The following PAPLN variants were observed in gnomAD, a reference collection of about 807,000 sequenced individuals.
The protein encoded by PAPLN is papilin.
Under a neutral mutation model 159.0 loss-of-function variants are expected in PAPLN, and 146 were observed. The ratio of observed to expected loss-of-function variants is 0.92; its 90% CI spans 0.80 to 1.05. The LOEUF (loss-of-function observed/expected upper bound fraction) is 1.05. Ranked by LOEUF, PAPLN falls within the 50% of genes least tolerant of loss-of-function variation. The pLI, the probability that PAPLN is intolerant of heterozygous loss-of-function variation, is 0.00. For missense variants in PAPLN, 1,720 were observed against 1,743.9 expected (o/e 0.99, Z 0.24); for synonymous variants, 734 against 702.9 (o/e 1.04, Z -0.70).
intron 1 of PAPLN, among the ~76,000 whole-genome samples, chr14:73,238,144 C>A (rs1048854074): frequency 6.6e-6 from 1 of 152,198 alleles, no homozygotes; most frequent in Non-Finnish European, 1.5e-5. Context: ...CGGGGACGGG[C>A]GTCTGCGGAC....
At chr14:73,252,536 TA>T (rs1184913836) in intron 10 of PAPLN, 112 bp from the exon 11 acceptor site, 10 of 1,397,174 alleles carry the variant, frequency 7.2e-6, no homozygotes, top group Non-Finnish European at 9.5e-6. Flanking sequence ...GGGGGTCATC[TA>T]AGACTGAATG....
At position 73,272,751 on chromosome 14, in the gene PAPLN, C is replaced by A; in HGVS notation, c.*87C>A. ...TGGACTCTTGGCTTCCTCTCTCTGGCTGGCAAAGGGAGTTATCTTCTGGAA... is the reference window on the plus strand; with the variant it reads ...TGGACTCTTGGCTTCCTCTCTCTGGATGGCAAAGGGAGTTATCTTCTGGAA... On this transcript the variant is annotated 3_prime_UTR_variant, in exon 27 of 27. Coordinates refer to ENST00000644200, the MANE Select transcript of PAPLN (RefSeq NM_001365906.3). 7.4e-7 allele frequency: 1 copy of A among 1,353,270 alleles called. No homozygotes were observed. The highest frequency in any genetic ancestry group is 1.9e-5 in the South Asian group (1 of 52,314). The allele number at this position is 1,353,270 out of a possible 1,614,324, so 83.8% of individuals were successfully genotyped here.
rs981836285 is a variant in PAPLN at position 73,244,683 on chromosome 14, T to C, written c.94T>C (p.Trp32Arg). The C allele has an allele frequency of 6.3e-7, 1 of 1,596,168 alleles. No homozygotes were observed. Among genetic ancestry groups the C allele is most frequent in the Admixed American group, 1.7e-5 (1 of 57,686 alleles). ...GCGGCAGAGTGACACCTGGGGACCC[T>C]GGAGCCAGTGGAGCCCCTGCAGCCG... ...VRRQSDTWGP[W>R]SQWSPCSRTC... Residue 32 changes from tryptophan (W) to arginine (R), a missense_variant, in exon 3 of 27, where the codon TGG becomes CGG. Physicochemically the swap from Trp to Arg is moderately radical, Grantham distance 101. Transcript: ENST00000644200.
At chr14:73,256,868 A>G (rs1180646906) in intron 14 of PAPLN, among the ~76,000 whole-genome samples, 4 of 152,140 alleles carry the variant, frequency 2.6e-5, no homozygotes, top group African/African-American at 4.8e-5. Flanking sequence ...TGGGTGACAG[A>G]GCAAGATTCT....
At chr14:73,257,795 G>A (rs909258135) in intron 14 of PAPLN, among the ~76,000 whole-genome samples, 6 of 116,274 alleles carry the variant, frequency 5.2e-5, no homozygotes, top group Admixed American at 3.9e-4. Flanking sequence ...ACCTAGTCTC[G>A]CTCTGTCGCC....
chr14:73,265,509 T>TTTA lies in PAPLN; in HGVS notation c.3263+5_3263+7dup. On this transcript the variant is annotated splice_region_variant and intron_variant, in intron 23 of 26. Coordinates refer to ENST00000644200, the MANE Select transcript of PAPLN (RefSeq NM_001365906.3). This position sits in a 1 kb window ranked among gnomAD's most constrained non-coding sequence, Gnocchi z 4.1. Reference sequence around the variant, plus strand: ...TGGGCAGCCTGTCTCTTCTCCCAGGTTTATTTGACTCCTCTCCCCTTCCTC... The same window carrying TTTA: ...TGGGCAGCCTGTCTCTTCTCCCAGGTTTATTATTTGACTCCTCTCCCCTTCCTC... The TTTA allele has an allele frequency of 1.2e-6, 2 of 1,613,328 alleles. No homozygotes were observed. Among genetic ancestry groups the TTTA allele is most frequent in the Non-Finnish European group, 8.5e-7 (1 of 1,179,740 alleles).
Position 73,273,760 on chromosome 14 carries a change from G to A in PAPLN, c.*1096G>A, listed in dbSNP as rs374855805. 7 of 152,324 alleles carry A rather than the reference G, an allele frequency of 4.6e-5. No homozygotes were observed. The South Asian group carries it at 1.4e-3, about 32-fold the overall frequency. 9.4% of individuals were successfully genotyped at this position (152,324 alleles called of 1,614,324 possible). Reference sequence around the variant, plus strand: ...AAATCAGCGATGGTTCATTGCTCTAGTCTCTCTCACCCTTCTAGGCAGTGC... The same window carrying A: ...AAATCAGCGATGGTTCATTGCTCTAATCTCTCTCACCCTTCTAGGCAGTGC... On this transcript the variant is annotated 3_prime_UTR_variant, in exon 27 of 27. Coordinates refer to ENST00000644200, the MANE Select transcript of PAPLN (RefSeq NM_001365906.3).
At chr14:73,260,453 C>T (rs529082661) in intron 16 of PAPLN, among the ~76,000 whole-genome samples, 1 of 152,206 alleles carries the variant, frequency 6.6e-6, no homozygotes, top group South Asian at 2.1e-4. Context: ...GCAACTGAGG[C>T]TCTGCCAGTT....
rs535340247 is a variant in PAPLN at position 73,258,624 on chromosome 14, A to T, written c.1628-355A>T. Among the ~76,000 whole-genome samples, 335 of 149,064 alleles carry T rather than the reference A, an allele frequency of 2.2e-3. 8 individuals are homozygous for T. The highest frequency in any genetic ancestry group is 3.4e-3 in the Middle Eastern group (1 of 292). ...TATAGAAAGACCCTATCTCTAAAAA[A>T]AAAAAAAAAAAAAAGTAGTCCCAGC... is the stretch of plus-strand genomic sequence containing the variant. On this transcript the variant is annotated intron_variant, in intron 14 of 26. Transcript: ENST00000644200.
At chr14:73,241,261 C>T (rs1249286438) in intron 2 of PAPLN, among the ~76,000 whole-genome samples, 1 of 152,174 alleles carries the variant, frequency 6.6e-6, no homozygotes, top group Non-Finnish European at 1.5e-5. Flanking sequence ...CTCTGCCACC[C>T]CATGAATCTT....
At position 73,244,771 on chromosome 14, in the gene PAPLN, GA is replaced by G; in HGVS notation, c.170+16del. ...TGCTACTCCCAGAGGTAGGAGAGAT[GA>G]AAATGGGCCAGCTTGTTAAAGCAGG... On this transcript the variant is annotated intron_variant, in intron 3 of 26. Coordinates refer to ENST00000644200, the MANE Select transcript of PAPLN (RefSeq NM_001365906.3). 2 of 1,519,156 alleles carry G rather than the reference GA, an allele frequency of 1.3e-6. No individual in the cohort carries two copies. Among genetic ancestry groups the G allele is most frequent in the South Asian group, 1.3e-5 (1 of 79,566 alleles). 94.1% of individuals were successfully genotyped at this position (1,519,156 alleles called of 1,614,324 possible).
At chr14:73,246,408 T>A (rs916593509) in intron 5 of PAPLN, among the ~76,000 whole-genome samples, 4 of 142,656 alleles carry the variant, frequency 2.8e-5, no homozygotes, top group Non-Finnish European at 6.1e-5. Context: ...TTTTTTTTTT[T>A]TTTTTTTTTT....
At position 73,264,658 on chromosome 14, in the gene PAPLN, CT is replaced by C. The variant is rs1386844434; in HGVS notation, c.3060del (p.Phe1020LeufsTer44). 6.2e-7 allele frequency: 1 copy of C among 1,608,082 alleles called. No individual in the cohort carries two copies. Among genetic ancestry groups the C allele is most frequent in the Admixed American group, 1.7e-5 (1 of 57,602 alleles). On this transcript the variant is annotated frameshift_variant, in exon 22 of 27. Transcript: ENST00000644200. LOFTEE classifies it high-confidence loss of function. ...FPQPRDPAQD[F>X]GQAGAAGPLG... ...CTCAGCCCAGGGACCCAGCTCAGGA[CT>C]TTGGCCAAGCGGGGGCTGCTGGGCC... is the stretch of plus-strand genomic sequence containing the variant.
At chr14:73,248,384 T>C (rs1167343822) in intron 5 of PAPLN, among the ~76,000 whole-genome samples, 1 of 152,088 alleles carries the variant, frequency 6.6e-6, no homozygotes, top group Non-Finnish European at 1.5e-5. Context: ...AGTCACATGA[T>C]AGAAAAATTG....
chr14:73,264,427 A>G lies in PAPLN; in HGVS notation c.2986+92A>G, dbSNP rs1886999008. On this transcript the variant is annotated intron_variant, in intron 21 of 26. Coordinates refer to ENST00000644200, the MANE Select transcript of PAPLN (RefSeq NM_001365906.3). ...GCCTGACCGAGGGCTGCCTCACGCT[A>G]GAGGGGCCCAGGGTGTCTCTCTGAG... 1.0e-5 allele frequency: 16 copies of G among 1,549,540 alleles called. No individual in the cohort carries two copies. In the South Asian group the frequency reaches 1.6e-4, roughly 16 times the overall value.
rs1317798632 is a variant in PAPLN at position 73,261,185 on chromosome 14, G to A, written c.2136G>A (p.Gln712=). 3 of 1,614,012 alleles carry A rather than the reference G, an allele frequency of 1.9e-6. No individual in the cohort carries two copies. The highest frequency in any genetic ancestry group is 2.5e-6 in the Non-Finnish European group (3 of 1,180,044). Residue 712 remains glutamine, a synonymous_variant, in exon 18 of 27, where the codon CAG becomes CAA. Coordinates refer to ENST00000644200, the MANE Select transcript of PAPLN (RefSeq NM_001365906.3). ...TVHNTHQPQA[Q]QNEPSECRGS... is the part of the protein sequence containing the mutation. ...ACAACACCCACCAGCCCCAGGCCCAGCAGAATGAGCCCAGTGAGTGCCGGG... is the reference window on the plus strand; with the variant it reads ...ACAACACCCACCAGCCCCAGGCCCAACAGAATGAGCCCAGTGAGTGCCGGG...
intron 23 of PAPLN, among the ~76,000 whole-genome samples, 176 bp from the exon 24 acceptor site, chr14:73,266,325 G>C (rs117916880): frequency 0.014 from 2,088 of 152,270 alleles, 15 homozygotes; most frequent in Non-Finnish European, 0.022. Context: ...CAGGTGTAAA[G>C]TCTGAGGCCA....
chr14:73,245,738 G>A lies in PAPLN; in HGVS notation c.231+42G>A. 6.5e-7 allele frequency: 1 copy of A among 1,533,060 alleles called. No homozygotes were observed. Among genetic ancestry groups the A allele is most frequent in the African/African-American group, 1.4e-5 (1 of 73,060 alleles). The allele number at this position is 1,533,060 out of a possible 1,614,324, so 95.0% of individuals were successfully genotyped here. On this transcript the variant is annotated intron_variant, in intron 4 of 26. Transcript: ENST00000644200. This position sits in a 1 kb window ranked among gnomAD's most constrained non-coding sequence, Gnocchi z 4.2. ...GCGGGCGAAGGCACCAGCTTCCCCA[G>A]CCCCTCCTGGCCGATTTCCCCATTG... is the stretch of plus-strand genomic sequence containing the variant.
chr14:73,249,537 G>A (rs1884986235), intron 5 of PAPLN, among the ~76,000 whole-genome samples: 1 of 152,032 alleles, frequency 6.6e-6, no homozygotes. Context: ...AGCCGGGTGT[G>A]GTGGCGCGTG....
Sources: gnomAD v4.1 joint callset for allele counts (sites outside exome capture counted in the v4.1 genomes callset) on GRCh38, gnomAD v4.1.1 for gene constraint, Gnocchi (gnomAD v3.1) non-coding constraint, MANE v1.5 for transcripts, NCBI Gene and HGNC (gene_info 2026-07-23, HGNC 2026-07-21) for gene names.